Variants in PTCHD4 observed in about 807,000 individuals in gnomAD.
The protein encoded by PTCHD4 is patched domain containing 4, also known as patched domain-containing protein 4.
In PTCHD4, 33 loss-of-function variants were observed where a neutral mutation model predicts 58.1. The observed-to-expected ratio is 0.57, with a 90% CI of 0.43 to 0.76. The LOEUF (loss-of-function observed/expected upper bound fraction) is 0.76, where lower values mean the gene tolerates loss of function less well. Ranked by LOEUF, PTCHD4 falls within the 30% of genes least tolerant of loss-of-function variation. The probability of loss-of-function intolerance (pLI) is 0.00; values close to 1 mark genes in which losing one functional copy is unlikely to be tolerated. For synonymous variants in PTCHD4, 478 were observed against 409.6 expected (o/e 1.17, Z -2.02); for missense variants, 1,058 against 1,027.1 (o/e 1.03, Z -0.41).
Position 47,865,643 on chromosome 6 carries a change from C to A in PTCHD4, c.*12660G>T, listed in dbSNP as rs1273948065. Among the ~76,000 whole-genome samples the A allele has an allele frequency of 6.6e-6, 1 of 151,736 alleles. No homozygotes were observed. ...TATTTCTTCCTTTTTATATTCAGTG[C>A]CACAACTCTATTTCAGGCCAATATT... On this transcript the variant is annotated 3_prime_UTR_variant, in exon 5 of 5. Transcript: ENST00000339488.
chr6:48,092,859 T>C (rs1765394523), intron 1 of PTCHD4, among the ~76,000 whole-genome samples: 1 of 152,218 alleles, frequency 6.6e-6, no homozygotes, highest in Admixed American at 6.5e-5. Context: ...AGCACTAGTT[T>C]TTGCACGAAC....
intron 3 of PTCHD4, among the ~76,000 whole-genome samples, chr6:48,012,951 G>A (rs759499796): frequency 7.9e-5 from 12 of 152,232 alleles, no homozygotes; most frequent in Non-Finnish European, 1.0e-4. Context: ...TAAGCTTTTT[G>A]ATGTGCTGCT....
rs997623426 is a variant in PTCHD4, at chr6:47,867,527, C to T, written c.*10776G>A. ...CAAAATCCAAGTAACTCCCCATATC[C>T]TGGCAATGCTTTATAATACCACTCA... On this transcript the variant is annotated 3_prime_UTR_variant, in exon 5 of 5. Transcript: ENST00000339488. Among the ~76,000 whole-genome samples the T allele has an allele frequency of 6.6e-6, 1 of 151,718 alleles. No individual in the cohort carries two copies. The highest frequency in any genetic ancestry group is 1.5e-5 in the Non-Finnish European group (1 of 67,826).
chr6:47,996,444 C>CGGG (rs376468411), intron 4 of PTCHD4, among the ~76,000 whole-genome samples: 106,487 of 151,770 alleles, frequency 0.7, 37,430 homozygotes, highest in East Asian at 0.84. Context: ...CACTGCTCCC[C>CGGG]AGCCTGGGCT....
chr6:48,110,006 T>C (rs1438327555), intron 1 of PTCHD4, among the ~76,000 whole-genome samples: 1 of 152,134 alleles, frequency 6.6e-6, no homozygotes, highest in Non-Finnish European at 1.5e-5. Context: ...TGTATACAAC[T>C]GTTGGAAATG....
At chr6:47,930,676 A>T (rs1345848396) in intron 4 of PTCHD4, among the ~76,000 whole-genome samples, 1 of 152,226 alleles carries the variant, frequency 6.6e-6, no homozygotes, top group East Asian at 1.9e-4. Flanking sequence ...TTGGAATTTG[A>T]GTGAGTTAGC....
intron 3 of PTCHD4, among the ~76,000 whole-genome samples, chr6:48,059,721 C>T (rs1764550353): frequency 6.6e-6 from 1 of 152,132 alleles, no homozygotes; most frequent in Non-Finnish European, 1.5e-5. Flanking sequence ...TCTGGATATA[C>T]AAACCCTGAC....
rs1029606354 is a variant in PTCHD4 at position 47,865,519 on chromosome 6, C to T, written c.*12784G>A. Among the ~76,000 whole-genome samples, 6 of 151,766 alleles carry T rather than the reference C, an allele frequency of 4.0e-5. No homozygotes were observed. Among genetic ancestry groups the T allele is most frequent in the Admixed American group, 2.0e-4 (3 of 15,214 alleles). ...AGCTAATAACTAGTTACTGTTATACCACATTAAATTCACTAATGTGAATAT... is the reference window on the plus strand; with the variant it reads ...AGCTAATAACTAGTTACTGTTATACTACATTAAATTCACTAATGTGAATAT... On this transcript the variant is annotated 3_prime_UTR_variant, in exon 5 of 5. Coordinates refer to ENST00000339488, the MANE Select transcript of PTCHD4 (RefSeq NM_001384253.1).
chr6:47,956,633 C>T (rs879830935), intron 4 of PTCHD4, among the ~76,000 whole-genome samples: 1 of 151,996 alleles, frequency 6.6e-6, no homozygotes, highest in African/African-American at 2.4e-5. Flanking sequence ...CGGGGTTTCA[C>T]CGTGTTAGTC....
At chr6:48,103,668 T>C (rs1001783026) in intron 1 of PTCHD4, among the ~76,000 whole-genome samples, 5 of 151,724 alleles carry the variant, frequency 3.3e-5, no homozygotes, top group African/African-American at 1.2e-4. Context: ...AAGGAGGAAG[T>C]TCTAACCAAT....
At chr6:48,000,632 T>C (rs967555345) in intron 4 of PTCHD4, among the ~76,000 whole-genome samples, 1 of 152,172 alleles carries the variant, frequency 6.6e-6, no homozygotes, top group Non-Finnish European at 1.5e-5. Context: ...GGCTTCATAT[T>C]TGCTGACAAA....
chr6:48,083,737 G>C (rs1035096018), intron 1 of PTCHD4, among the ~76,000 whole-genome samples: 1 of 152,172 alleles, frequency 6.6e-6, no homozygotes, highest in Non-Finnish European at 1.5e-5. Context: ...AATGTGTCTG[G>C]AGTATCTAAG....
chr6:48,086,588 C>T (rs974244033), intron 1 of PTCHD4, among the ~76,000 whole-genome samples: 10 of 151,686 alleles, frequency 6.6e-5, no homozygotes, highest in African/African-American at 2.4e-4. Flanking sequence ...AGAAGATATA[C>T]TCACTTATTT....
chr6:48,091,024 A>G (rs1392553830), intron 1 of PTCHD4, among the ~76,000 whole-genome samples: 2 of 152,142 alleles, frequency 1.3e-5, no homozygotes, highest in Non-Finnish European at 1.5e-5. Context: ...ATTTCACAGT[A>G]AGCAATTTCT....
chr6:47,972,631 A>G (rs1767559420), intron 4 of PTCHD4, among the ~76,000 whole-genome samples: 2 of 151,906 alleles, frequency 1.3e-5, no homozygotes, highest in Admixed American at 1.3e-4. Flanking sequence ...ATATCATATA[A>G]TTATTTAAAT....
intron 4 of PTCHD4, among the ~76,000 whole-genome samples, chr6:47,974,221 C>T (rs575537507): frequency 6.6e-6 from 1 of 152,286 alleles, no homozygotes; most frequent in African/African-American, 2.4e-5. Flanking sequence ...AAAGTTGGCT[C>T]TAATATTTCA....
intron 3 of PTCHD4, among the ~76,000 whole-genome samples, chr6:48,056,918 A>C (rs1051391442): frequency 6.6e-6 from 1 of 152,272 alleles, no homozygotes; most frequent in South Asian, 2.1e-4. Flanking sequence ...GATCAAATAT[A>C]GCACACCCAG....
chr6:47,994,933 A>C (rs1184390778), intron 4 of PTCHD4, among the ~76,000 whole-genome samples: 1 of 152,318 alleles, frequency 6.6e-6, no homozygotes, highest in Admixed American at 6.5e-5. Flanking sequence ...GACTGAAATA[A>C]ATAACACAAC....
intron 3 of PTCHD4, among the ~76,000 whole-genome samples, chr6:48,020,664 G>C (rs1763034620): frequency 6.6e-6 from 1 of 151,984 alleles, no homozygotes; most frequent in Non-Finnish European, 1.5e-5. Context: ...TTTTTGTTTA[G>C]AGACAAAGCA....
Sources: allele counts gnomAD v4.1 joint callset (sites outside exome capture counted in the v4.1 genomes callset), GRCh38; gene constraint gnomAD v4.1.1; transcripts MANE v1.5; gene names NCBI Gene and HGNC (gene_info 2026-07-23, HGNC 2026-07-21).